POMZP3: variants seen among roughly 807,000 people sequenced by gnomAD.
POMZP3 encodes the protein POM121 and ZP3 fusion.
Under a neutral mutation model 19.8 loss-of-function variants are expected in POMZP3, and 10 were observed. The ratio of observed to expected loss-of-function variants is 0.51; its 90% CI spans 0.31 to 0.86. The LOEUF (loss-of-function observed/expected upper bound fraction) is 0.86. Ranked by LOEUF, POMZP3 falls within the 40% of genes least tolerant of loss-of-function variation. The probability of loss-of-function intolerance (pLI) is 0.04; values close to 1 mark genes in which losing one functional copy is unlikely to be tolerated. For missense variants in POMZP3, 152 were observed against 228.1 expected (o/e 0.67, Z 2.15); for synonymous variants, 57 against 85.8 (o/e 0.66, Z 1.85).
chr7:76,620,861 A>ATTTTT (rs56084078), intron 3 of POMZP3, among the ~76,000 whole-genome samples: 5,386 of 76,080 alleles, frequency 0.071, 502 homozygotes, highest in East Asian at 0.13. Context: ...CTGTAAAGCC[A>ATTTTT]TTTTTTTTTT....
rs10260720 is a variant in POMZP3 at position 76,621,916 on chromosome 7, G to C, written c.227+3606C>G. ...GATAGCGCTACTGCACTCCAGCCTG[G>C]GTGACAGCAAGACTCCGTTTCAAAA... On this transcript the variant is annotated intron_variant, in intron 3 of 6. Coordinates refer to ENST00000310842, the MANE Select transcript of POMZP3 (RefSeq NM_012230.5). Among the ~76,000 whole-genome samples, 744 of 75,582 alleles carry C rather than the reference G, an allele frequency of 9.8e-3. 3 individuals carry two copies. The highest frequency in any genetic ancestry group is 0.013 in the East Asian group (42 of 3,268). The allele number at this position is 75,582 out of a possible 152,430, so 49.6% of individuals were successfully genotyped here.
Position 76,614,516 on chromosome 7 carries a change from C to A in POMZP3, c.346-2703G>T, listed in dbSNP as rs1306963902. Among the ~76,000 whole-genome samples the A allele has an allele frequency of 3.9e-5, 3 of 76,092 alleles. 1 individual carries two copies. The highest frequency in any genetic ancestry group is 8.0e-5 in the Non-Finnish European group (3 of 37,434). The allele number at this position is 76,092 out of a possible 152,430, so 49.9% of individuals were successfully genotyped here. On this transcript the variant is annotated intron_variant, in intron 4 of 6. Coordinates refer to ENST00000310842, the MANE Select transcript of POMZP3 (RefSeq NM_012230.5). ...GGGAAGTTGCAGTGAGCTGAGATTA[C>A]GCCATTGCACTCTAGCCTGGGCAAC...
intron 3 of POMZP3, among the ~76,000 whole-genome samples, chr7:76,623,163 C>T (rs1481726108): frequency 1.3e-5 from 2 of 150,328 alleles, no homozygotes; most frequent in Admixed American, 1.3e-4. Context: ...TGAGCCACCG[C>T]ACCCAGCCCA....
At chr7:76,626,247 A>C in intron 1 of POMZP3, 32 bp from the exon 2 acceptor site, 1 of 1,507,986 alleles carries the variant, frequency 6.6e-7, no homozygotes, top group South Asian at 1.2e-5. Context: ...TCATGGAAAC[A>C]AAGTATAAAA....
At chr7:76,624,337 T>C (rs1815737351) in intron 3 of POMZP3, among the ~76,000 whole-genome samples, 1 of 151,410 alleles carries the variant, frequency 6.6e-6, no homozygotes. Flanking sequence ...TCACCTGAGG[T>C]CAGGAGTTCG....
rs1395062303 is a variant in POMZP3, at chr7:76,620,246, C to T, written c.228-1946G>A. ...GGGAGGCTGAGGCAGGAGAATGGCG[C>T]GAACCCGGGAGGCAGAGCTTGTAGT... On this transcript the variant is annotated intron_variant, in intron 3 of 6. Coordinates refer to ENST00000310842, the MANE Select transcript of POMZP3 (RefSeq NM_012230.5). Among the ~76,000 whole-genome samples, 35 of 83,834 alleles carry T rather than the reference C, an allele frequency of 4.2e-4. 2 individuals carry two copies. The highest frequency in any genetic ancestry group is 1.3e-3 in the African/African-American group (25 of 18,700). 55.0% of individuals were successfully genotyped at this position (83,834 alleles called of 152,430 possible). A position where few individuals can be genotyped will look rare whatever the true frequency, so the allele number is the denominator to read the frequency against.
At chr7:76,622,856 T>G (rs1815644370) in intron 3 of POMZP3, among the ~76,000 whole-genome samples, 1 of 151,888 alleles carries the variant, frequency 6.6e-6, no homozygotes, top group African/African-American at 2.4e-5. Flanking sequence ...CCCTTTTTCT[T>G]TTTTAATCTA....
chr7:76,624,740 C>A (rs1815768451), intron 3 of POMZP3, among the ~76,000 whole-genome samples: 2 of 150,898 alleles, frequency 1.3e-5, no homozygotes, highest in South Asian at 4.2e-4. Context: ...GCCACCTTGC[C>A]CTTCCAGGAA....
chr7:76,623,724 C>G (rs1410045970), intron 3 of POMZP3, among the ~76,000 whole-genome samples: 1 of 151,092 alleles, frequency 6.6e-6, no homozygotes, highest in East Asian at 2.0e-4. Flanking sequence ...CTCTCAAAAC[C>G]TGGGAGGCGG....
At chr7:76,611,938 C>G in intron 4 of POMZP3, 125 bp from the exon 5 acceptor site, 1 of 1,513,154 alleles carries the variant, frequency 6.6e-7, no homozygotes, top group Non-Finnish European at 8.9e-7. Flanking sequence ...ATGGCACACA[C>G]CTATAATCCC....
rs377135743 is a variant in POMZP3 at position 76,625,671 on chromosome 7, T to A, written c.78A>T (p.Ile26=). 63 of 1,613,742 alleles carry A rather than the reference T, an allele frequency of 3.9e-5. 1 individual carries two copies. The South Asian group carries it at 4.6e-4, about 12-fold the overall frequency. The change falls in exon 3 of 7, where the codon ATA becomes ATT. Residue 26 remains isoleucine (I), a synonymous_variant. Transcript: ENST00000310842. ...RFSRSAIPEQ[I]ISSTLSSPSS... ...ATGGTGAGGACAGTGTTGAGCTGAT[T>A]ATCTGCTCTGGTCTATAATGAAAGA...
chr7:76,623,335 C>G (rs774681369), intron 3 of POMZP3, among the ~76,000 whole-genome samples: 1 of 151,846 alleles, frequency 6.6e-6, no homozygotes, highest in African/African-American at 2.4e-5. Flanking sequence ...TGCCACCTGA[C>G]TTTTAGCAAC....
At chr7:76,611,080 G>T (rs973892883) in intron 6 of POMZP3, among the ~76,000 whole-genome samples, 33 of 142,642 alleles carry the variant, frequency 2.3e-4, no homozygotes, top group African/African-American at 7.8e-4. Flanking sequence ...CTCCATGTTG[G>T]TCAGGCTGGT....
At chr7:76,610,981 T>C (rs1815063780) in intron 6 of POMZP3, among the ~76,000 whole-genome samples, 1 of 140,342 alleles carries the variant, frequency 7.1e-6, no homozygotes, top group Non-Finnish European at 1.5e-5. Context: ...TTCAAGTGAT[T>C]CTCCTGCCTC....
rs781195750 is a variant in POMZP3 at position 76,625,736 on chromosome 7, A to G, written c.66-53T>C. 2.9e-4 allele frequency: 465 copies of G among 1,590,684 alleles called. 1 individual carries two copies. The highest frequency in any genetic ancestry group is 3.7e-4 in the Non-Finnish European group (434 of 1,168,584). On this transcript the variant is annotated intron_variant, in intron 2 of 6. Coordinates refer to ENST00000310842, the MANE Select transcript of POMZP3 (RefSeq NM_012230.5). ...TAAGATATTTTAATTCCCATGCCAT[A>G]TCAGAAATGGAAATCAGAAGCTAAC...
chr7:76,622,802 G>C (rs1815642442), intron 3 of POMZP3, among the ~76,000 whole-genome samples: 1 of 151,748 alleles, frequency 6.6e-6, no homozygotes, highest in South Asian at 2.1e-4. Context: ...CAGCCTCTTA[G>C]AGTGCTGGGA....
At chr7:76,618,361 C>A in intron 3 of POMZP3, 61 bp from the exon 4 acceptor site, 1 of 1,611,318 alleles carries the variant, frequency 6.2e-7, no homozygotes, top group Non-Finnish European at 8.5e-7. Context: ...GTGGCTCACG[C>A]CCATAATCCC....
chr7:76,615,989 A>AGG (rs1183711360), intron 4 of POMZP3, among the ~76,000 whole-genome samples: 50 of 23,464 alleles, frequency 2.1e-3, no homozygotes, highest in Non-Finnish European at 3.1e-3. Context: ...AAAAAAAAAA[A>AGG]GGGGGGGGGG....
chr7:76,616,634 A>G (rs1260435741), intron 4 of POMZP3, among the ~76,000 whole-genome samples: 2 of 95,144 alleles, frequency 2.1e-5, no homozygotes, highest in Non-Finnish European at 4.6e-5. Flanking sequence ...ATGCAGGTGG[A>G]TCACAAGGTC....
Sources: gnomAD v4.1 joint callset for allele counts (sites outside exome capture counted in the v4.1 genomes callset) on GRCh38, gnomAD v4.1.1 for gene constraint, MANE v1.5 for transcripts, NCBI Gene and HGNC (gene_info 2026-07-23, HGNC 2026-07-21) for gene names.